DENND1A: variants seen among roughly 807,000 people sequenced by gnomAD.
The protein encoded by DENND1A is DENN domain containing 1A.
Under a neutral mutation model 113.7 loss-of-function variants are expected in DENND1A, and 51 were observed. The observed-to-expected ratio is 0.45, with a 90% CI of 0.36 to 0.57. The LOEUF (loss-of-function observed/expected upper bound fraction) is 0.57. Among genes scored for constraint, DENND1A ranks in the 20% least tolerant of loss-of-function variants. The pLI is 0.00. For missense variants in DENND1A, 1,258 were observed against 1,395.9 expected (o/e 0.90, Z 1.57); for synonymous variants, 565 against 570.8 (o/e 0.99, Z 0.14).
intron 9 of DENND1A, among the ~76,000 whole-genome samples, chr9:123,648,423 T>C (rs969802080): frequency 3.9e-5 from 6 of 152,208 alleles, no homozygotes; most frequent in Admixed American, 2.0e-4. Flanking sequence ...ACTAATGTGG[T>C]TGAGTATCTT....
intron 3 of DENND1A, among the ~76,000 whole-genome samples, chr9:123,783,651 G>A (rs1831659251): frequency 1.3e-5 from 2 of 152,156 alleles, no homozygotes; most frequent in South Asian, 4.1e-4. Context: ...GTAAACCCCT[G>A]TAAATGGCAG....
At chr9:123,607,564 G>C (rs2060229100) in intron 11 of DENND1A, among the ~76,000 whole-genome samples, 1 of 135,460 alleles carries the variant, frequency 7.4e-6, no homozygotes, top group South Asian at 2.6e-4. Context: ...GTGTGTGTGT[G>C]TGTGTGTGTG....
chr9:123,612,442 T>A (rs2060460382), intron 10 of DENND1A, among the ~76,000 whole-genome samples: 1 of 152,248 alleles, frequency 6.6e-6, no homozygotes, highest in Non-Finnish European at 1.5e-5. Flanking sequence ...GATTATATTA[T>A]CCTAACACAA....
chr9:123,666,541 C>T (rs75855397), intron 8 of DENND1A, among the ~76,000 whole-genome samples: 4,178 of 152,066 alleles, frequency 0.027, 61 homozygotes, highest in Middle Eastern at 0.034. Flanking sequence ...CCTAATAAAC[C>T]TCTATTTGGA....
chr9:123,389,036 C>T (rs1224821523), intron 21 of DENND1A, among the ~76,000 whole-genome samples: 2 of 152,258 alleles, frequency 1.3e-5, no homozygotes, highest in African/African-American at 4.8e-5. Context: ...TCTCCCTTCT[C>T]TGCTCTGTAT....
chr9:123,423,050 C>T (rs73664358), intron 19 of DENND1A, among the ~76,000 whole-genome samples: 137 of 152,324 alleles, frequency 9.0e-4, no homozygotes, highest in African/African-American at 3.2e-3. Context: ...TGAAATCCAG[C>T]ATTGTGCCAT....
chr9:123,901,941 G>A (rs1343085519), intron 1 of DENND1A, among the ~76,000 whole-genome samples: 1 of 152,128 alleles, frequency 6.6e-6, no homozygotes, highest in Admixed American at 6.5e-5. Flanking sequence ...GGGAGACAGA[G>A]CTTGCAGTGA....
intron 8 of DENND1A, among the ~76,000 whole-genome samples, chr9:123,659,170 G>C (rs937564550): frequency 6.6e-6 from 1 of 152,214 alleles, no homozygotes; most frequent in African/African-American, 2.4e-5. Flanking sequence ...CTCTGAAGCT[G>C]TCCAGGAGAA....
chr9:123,792,702 T>C (rs1016519924), intron 2 of DENND1A, 72 bp from the exon 3 acceptor site: 5 of 1,552,766 alleles, frequency 3.2e-6, no homozygotes, highest in Non-Finnish European at 4.4e-6. Flanking sequence ...ACATTAATAT[T>C]TGATCAGAAG....
intron 5 of DENND1A, among the ~76,000 whole-genome samples, chr9:123,743,923 C>T (rs2069238682): frequency 6.6e-6 from 1 of 151,982 alleles, no homozygotes; most frequent in African/African-American, 2.4e-5. Flanking sequence ...GTTCTGATTT[C>T]AGAGCGTAAG....
chr9:123,740,659 A>G (rs1429225285), intron 5 of DENND1A, among the ~76,000 whole-genome samples: 1 of 152,156 alleles, frequency 6.6e-6, no homozygotes, highest in Non-Finnish European at 1.5e-5. Flanking sequence ...ATATTTACAC[A>G]TATGTTAACA....
chr9:123,840,500 C>T (rs924201638), intron 2 of DENND1A, among the ~76,000 whole-genome samples: 1 of 152,056 alleles, frequency 6.6e-6, no homozygotes, highest in Non-Finnish European at 1.5e-5. Context: ...ATGGAGATAA[C>T]ACCACCTACC....
rs1340491812 is a variant in DENND1A, at chr9:123,768,611, T to C, written c.182+903A>G. On this transcript the variant is annotated intron_variant, in intron 4 of 23. Coordinates refer to ENST00000394215, the MANE Select transcript of DENND1A (RefSeq NM_001352964.2). Reference sequence around the variant, plus strand: ...GTCAATAAAAGTGGGTTTGTTAAGATGTAATGTATGTACAGTTTCATAGTT... The same window carrying C: ...GTCAATAAAAGTGGGTTTGTTAAGACGTAATGTATGTACAGTTTCATAGTT... Among the ~76,000 whole-genome samples, 6 of 152,112 alleles carry C rather than the reference T, an allele frequency of 3.9e-5. No individual in the cohort carries two copies. In the East Asian group the frequency reaches 5.8e-4, roughly 15 times the overall value.
intron 5 of DENND1A, among the ~76,000 whole-genome samples, chr9:123,728,413 G>A (rs1327761865): frequency 7.4e-6 from 1 of 134,390 alleles, no homozygotes; most frequent in Admixed American, 8.6e-5. Context: ...GGAGGCAGAG[G>A]TTACAGTGAG....
intron 2 of DENND1A, among the ~76,000 whole-genome samples, chr9:123,820,596 C>T (rs1422270585): frequency 6.6e-6 from 1 of 152,160 alleles, no homozygotes; most frequent in Non-Finnish European, 1.5e-5. Flanking sequence ...CCCAGCCAAT[C>T]CACAGAAGCA....
intron 11 of DENND1A, among the ~76,000 whole-genome samples, chr9:123,592,972 GTTA>G (rs975739232): frequency 6.6e-6 from 1 of 152,188 alleles, no homozygotes; most frequent in Admixed American, 6.5e-5. Flanking sequence ...CTAGGTATTA[GTTA>G]TTATTATAAA....
Position 123,929,928 on chromosome 9 carries a change from C to G in DENND1A, c.-23G>C. The G allele has an allele frequency of 3.0e-6, 1 of 332,842 alleles. No individual in the cohort carries two copies. Among genetic ancestry groups the G allele is most frequent in the South Asian group, 4.6e-5 (1 of 21,706 alleles). 20.6% of individuals were successfully genotyped at this position (332,842 alleles called of 1,614,324 possible). ...CATGGTCCCCAGGCCTCCTCATGGGCCCGCGGGCCCCGCTCGGCGCTGCGC... is the reference window on the plus strand; with the variant it reads ...CATGGTCCCCAGGCCTCCTCATGGGGCCGCGGGCCCCGCTCGGCGCTGCGC... On this transcript the variant is annotated 5_prime_UTR_variant, in exon 1 of 24. Coordinates refer to ENST00000394215, the MANE Select transcript of DENND1A (RefSeq NM_001352964.2).
chr9:123,660,876 C>T (rs1032390653), intron 8 of DENND1A, among the ~76,000 whole-genome samples: 2 of 152,208 alleles, frequency 1.3e-5, no homozygotes, highest in East Asian at 3.8e-4. Context: ...CATTAGTCCC[C>T]CAGGGGATAT....
intron 13 of DENND1A, among the ~76,000 whole-genome samples, chr9:123,538,535 A>G (rs2055975067): frequency 6.6e-6 from 1 of 152,114 alleles, no homozygotes; most frequent in East Asian, 1.9e-4. Flanking sequence ...TCAGATAGCA[A>G]GAGAGCTATC....
Sources: gnomAD v4.1 joint callset for allele counts (sites outside exome capture counted in the v4.1 genomes callset) on GRCh38, gnomAD v4.1.1 for gene constraint, MANE v1.5 for transcripts, NCBI Gene and HGNC (gene_info 2026-07-23, HGNC 2026-07-21) for gene names.